CAMTA1: variants seen among roughly 807,000 people sequenced by gnomAD.
The protein encoded by CAMTA1 is calmodulin binding transcription activator 1, also known as calmodulin-binding transcription activator 1.
A neutral mutation model predicts 170.9 loss-of-function variants in CAMTA1; 27 were observed. The ratio of observed to expected loss-of-function variants is 0.16; its 90% CI spans 0.12 to 0.22. The LOEUF is 0.22. Among genes scored for constraint, CAMTA1 ranks in the 10% least tolerant of loss-of-function variants. The probability of loss-of-function intolerance (pLI) is 1.00; values close to 1 mark genes in which losing one functional copy is unlikely to be tolerated. For missense variants in CAMTA1, 1,619 were observed against 2,217.2 expected (o/e 0.73, Z 5.42); for synonymous variants, 833 against 891.5 (o/e 0.93, Z 1.17).
chr1:7,271,279 A>C (rs1669759109), intron 5 of CAMTA1, among the ~76,000 whole-genome samples: 1 of 152,156 alleles, frequency 6.6e-6, no homozygotes, highest in South Asian at 2.1e-4. Flanking sequence ...CTCGCCACCT[A>C]CAAGCCGGGA....
intron 3 of CAMTA1, among the ~76,000 whole-genome samples, chr1:6,959,805 G>A (rs1050344856): frequency 3.1e-4 from 47 of 152,160 alleles, no homozygotes; most frequent in Admixed American, 1.8e-3. Context: ...GAGCTGAGCC[G>A]GGTTCAGATT....
rs563971109 is a variant in CAMTA1 at position 7,455,087 on chromosome 1, G to A, written c.439-12743G>A. Reference sequence around the variant, plus strand: ...GGGGCATCCAGGGCCGGCCTGGCTGGGGCAGCGCATCTGCAGGTGTTTGAG... The same window carrying A: ...GGGGCATCCAGGGCCGGCCTGGCTGAGGCAGCGCATCTGCAGGTGTTTGAG... On this transcript the variant is annotated intron_variant, in intron 5 of 22. Coordinates refer to ENST00000303635, the MANE Select transcript of CAMTA1 (RefSeq NM_015215.4). The surrounding 1 kb of genome is among the most constrained non-coding windows in gnomAD (Gnocchi z 5.0). Among the ~76,000 whole-genome samples the A allele has an allele frequency of 4.6e-5, 7 of 152,162 alleles. No individual in the cohort carries two copies. Among genetic ancestry groups the A allele is most frequent in the Non-Finnish European group, 1.0e-4 (7 of 68,034 alleles).
intron 6 of CAMTA1, among the ~76,000 whole-genome samples, chr1:7,523,476 A>G (rs1176728507): frequency 6.6e-6 from 1 of 152,210 alleles, no homozygotes; most frequent in African/African-American, 2.4e-5. Context: ...CCAATCCATG[A>G]AAAAGGTATG....
At chr1:6,943,900 C>T (rs1020898844) in intron 3 of CAMTA1, among the ~76,000 whole-genome samples, 8 of 150,234 alleles carry the variant, frequency 5.3e-5, no homozygotes, top group Non-Finnish European at 7.4e-5. Flanking sequence ...GAATTTTAAC[C>T]ATTTTAAGTG....
At chr1:7,555,805 T>C (rs1024377034) in intron 6 of CAMTA1, among the ~76,000 whole-genome samples, 3 of 152,150 alleles carry the variant, frequency 2.0e-5, no homozygotes, top group Non-Finnish European at 4.4e-5. Context: ...AGGTCACCAC[T>C]AGGTCTGTCC....
intron 4 of CAMTA1, among the ~76,000 whole-genome samples, chr1:7,199,082 T>G (rs58258089): frequency 0.02 from 3,064 of 152,234 alleles, 53 homozygotes; most frequent in South Asian, 0.074. Flanking sequence ...CCTAAGCGCC[T>G]GGAGGTTTGC....
intron 3 of CAMTA1, among the ~76,000 whole-genome samples, chr1:6,833,772 T>C (rs1651578157): frequency 6.6e-6 from 1 of 152,252 alleles, no homozygotes; most frequent in South Asian, 2.1e-4. Flanking sequence ...ACTTGAGCAA[T>C]GAGTTTGTGT....
At chr1:7,117,469 A>C (rs1644399780) in intron 4 of CAMTA1, among the ~76,000 whole-genome samples, 1 of 152,164 alleles carries the variant, frequency 6.6e-6, no homozygotes, top group South Asian at 2.1e-4. Flanking sequence ...GTGAATGCTC[A>C]GTGGTGGGGA....
intron 4 of CAMTA1, among the ~76,000 whole-genome samples, chr1:7,200,275 A>G (rs1656408654): frequency 6.6e-6 from 1 of 152,198 alleles, no homozygotes; most frequent in Non-Finnish European, 1.5e-5. Flanking sequence ...TAAATATTTC[A>G]CTGTGTGTTT....
At chr1:6,805,261 A>G (rs1644382494) in intron 1 of CAMTA1, among the ~76,000 whole-genome samples, 1 of 152,062 alleles carries the variant, frequency 6.6e-6, no homozygotes. Context: ...TTTGATTTGC[A>G]TTTCCCTAGT....
At chr1:7,034,949 C>T (rs886615974) in intron 3 of CAMTA1, among the ~76,000 whole-genome samples, 6 of 152,042 alleles carry the variant, frequency 3.9e-5, no homozygotes, top group South Asian at 2.1e-4. Flanking sequence ...AATTGGCATT[C>T]CATGAAAAAA....
At chr1:7,305,084 G>T (rs956969336) in intron 5 of CAMTA1, among the ~76,000 whole-genome samples, 1 of 152,052 alleles carries the variant, frequency 6.6e-6, no homozygotes, top group African/African-American at 2.4e-5. Context: ...CTGCTCAAGT[G>T]TTGCCAAACT....
chr1:7,654,514 ACT>A (rs2095867106), intron 7 of CAMTA1, among the ~76,000 whole-genome samples: 4 of 150,474 alleles, frequency 2.7e-5, no homozygotes, highest in Non-Finnish European at 4.4e-5. Context: ...ACACACATAC[ACT>A]CCTATACACA....
intron 5 of CAMTA1, among the ~76,000 whole-genome samples, chr1:7,271,026 G>T (rs1669713274): frequency 6.6e-6 from 1 of 152,208 alleles, no homozygotes; most frequent in South Asian, 2.1e-4. Flanking sequence ...CCAGGGGAAA[G>T]TATTATGGAC....
chr1:7,494,000 G>C (rs992392418), intron 6 of CAMTA1, among the ~76,000 whole-genome samples: 1 of 152,122 alleles, frequency 6.6e-6, no homozygotes, highest in South Asian at 2.1e-4. Context: ...GGGCTAGCGG[G>C]GTAATTTAGG....
chr1:6,975,189 C>G (rs923486802), intron 3 of CAMTA1, among the ~76,000 whole-genome samples: 1 of 152,210 alleles, frequency 6.6e-6, no homozygotes, highest in African/African-American at 2.4e-5. Flanking sequence ...TGTCTCCCCC[C>G]ACCACCATCA....
intron 5 of CAMTA1, among the ~76,000 whole-genome samples, chr1:7,368,609 C>T (rs567011755): frequency 6.6e-5 from 10 of 152,164 alleles, no homozygotes; most frequent in East Asian, 1.9e-4. Context: ...GCACCCATGG[C>T]GTGGCTCTGG....
Position 7,592,236 on chromosome 1 carries a change from T to C in CAMTA1, c.511-48164T>C, listed in dbSNP as rs2095360656. 6.6e-6 allele frequency among the ~76,000 whole-genome samples: 1 copy of C among 152,120 alleles called. No individual in the cohort carries two copies. The highest frequency in any genetic ancestry group is 2.4e-5 in the African/African-American group (1 of 41,416). ...TTAGATCTCAGCTCAGTGGCCCTCT[T>C]TGAAGGCCCCTTCCCCAACCACGCC... On this transcript the variant is annotated intron_variant, in intron 6 of 22. Transcript: ENST00000303635. This position sits in a 1 kb window ranked among gnomAD's most constrained non-coding sequence, Gnocchi z 4.6.
chr1:7,461,702 G>GT (rs1173217346), intron 5 of CAMTA1, among the ~76,000 whole-genome samples: 18 of 152,324 alleles, frequency 1.2e-4, no homozygotes, highest in Admixed American at 4.6e-4. Context: ...CTGCCTCCTT[G>GT]TGGGAGGTGG....
Sources: gnomAD v4.1 joint callset for allele counts (sites outside exome capture counted in the v4.1 genomes callset) on GRCh38, gnomAD v4.1.1 for gene constraint, Gnocchi (gnomAD v3.1) non-coding constraint, MANE v1.5 for transcripts, NCBI Gene and HGNC (gene_info 2026-07-23, HGNC 2026-07-21) for gene names.